CAMK2B: variants seen among roughly 807,000 people sequenced by gnomAD.
CAMK2B encodes calcium/calmodulin dependent protein kinase II beta.
CAMK2B carries 27 observed loss-of-function variants against 93.7 expected under a neutral mutation model. The ratio of observed to expected loss-of-function variants is 0.29; its 90% CI spans 0.21 to 0.40. The LOEUF is 0.40. CAMK2B is among the 10% of genes least tolerant of loss of function. The pLI is 1.00. For missense variants in CAMK2B, 568 were observed against 895.8 expected, an observed-to-expected ratio of 0.63 and a Z score of 4.67; for synonymous variants, 374 against 358.8, an observed-to-expected ratio of 1.04 and a Z score of -0.48.
Position 44,286,389 on chromosome 7 carries a change from C to T in CAMK2B, c.66-2164G>A, listed in dbSNP as rs547629220. Among the ~76,000 whole-genome samples, 1 of 152,222 alleles carries T rather than the reference C, an allele frequency of 6.6e-6. No individual in the cohort carries two copies. The highest frequency in any genetic ancestry group is 1.9e-4 in the East Asian group (1 of 5,176). ...AACCACACACTGCAGGGTTGACCCT[C>T]AGTAGGAAGTTCAACAGACTGCACA... On this transcript the variant is annotated intron_variant, in intron 1 of 23. Transcript: ENST00000395749. The surrounding 1 kb of genome is among the most constrained non-coding windows in gnomAD (Gnocchi z 4.0).
intron 1 of CAMK2B, among the ~76,000 whole-genome samples, chr7:44,293,701 T>C (rs1787493155): frequency 6.6e-6 from 1 of 152,166 alleles, no homozygotes; most frequent in African/African-American, 2.4e-5. Flanking sequence ...GGGTTCGTGC[T>C]CCTATGAGAA....
chr7:44,290,892 A>G (rs541364179), intron 1 of CAMK2B, among the ~76,000 whole-genome samples: 2 of 152,322 alleles, frequency 1.3e-5, no homozygotes, highest in African/African-American at 4.8e-5. Context: ...TACGTTTACA[A>G]TGTTTGCTAT....
At chr7:44,238,651 G>A (rs1437727612) in intron 13 of CAMK2B, among the ~76,000 whole-genome samples, 1 of 152,224 alleles carries the variant, frequency 6.6e-6, no homozygotes, top group Non-Finnish European at 1.5e-5. Flanking sequence ...GAGGCCTGGG[G>A]AAGGCAGTCT....
At chr7:44,302,320 A>G (rs925059110) in intron 1 of CAMK2B, among the ~76,000 whole-genome samples, 2 of 152,208 alleles carry the variant, frequency 1.3e-5, no homozygotes, top group African/African-American at 4.8e-5. Flanking sequence ...TCTACCAAAC[A>G]TGTAAAGAAG....
chr7:44,235,136 A>G (rs1005870986), intron 13 of CAMK2B, among the ~76,000 whole-genome samples: 1 of 152,222 alleles, frequency 6.6e-6, no homozygotes, highest in African/African-American at 2.4e-5. Flanking sequence ...GGTGGGCTGC[A>G]GCTGGCCGCC....
rs1403200477 is a variant in CAMK2B, at chr7:44,218,520, T to G, written c.*1005A>C. ...CGGGCTGCAGAGAAGCCGAACAGGCTGGGGGAGGGCCGAGGGGCGGAAACA... is the reference window on the plus strand; with the variant it reads ...CGGGCTGCAGAGAAGCCGAACAGGCGGGGGGAGGGCCGAGGGGCGGAAACA... On this transcript the variant is annotated 3_prime_UTR_variant, in exon 24 of 24. Coordinates refer to ENST00000395749, the MANE Select transcript of CAMK2B (RefSeq NM_001220.5). 1 of 152,238 alleles carries G rather than the reference T, an allele frequency of 6.6e-6. No homozygotes were observed. Among genetic ancestry groups the G allele is most frequent in the Non-Finnish European group, 1.5e-5 (1 of 68,080 alleles). The allele number at this position is 152,238 out of a possible 1,614,324, so 9.4% of individuals were successfully genotyped here.
chr7:44,290,401 C>T (rs923192925), intron 1 of CAMK2B, among the ~76,000 whole-genome samples: 5 of 152,212 alleles, frequency 3.3e-5, no homozygotes, highest in African/African-American at 1.2e-4. Flanking sequence ...GAGTCTGGGC[C>T]GGCCACAGAA....
At chr7:44,228,709 G>C in intron 19 of CAMK2B, 87 bp downstream of exon 19, 1 of 1,262,350 alleles carries the variant, frequency 7.9e-7, no homozygotes, top group Non-Finnish European at 1.0e-6. Context: ...GCTGGGCCGT[G>C]CATGCAGGTG....
intron 2 of CAMK2B, among the ~76,000 whole-genome samples, chr7:44,283,374 T>C (rs1784240499): frequency 6.6e-6 from 1 of 152,256 alleles, no homozygotes; most frequent in Non-Finnish European, 1.5e-5. Flanking sequence ...GGCAGGAGCC[T>C]GTCTGCTCCA....
At chr7:44,258,961 T>G in intron 3 of CAMK2B, 35 bp from the exon 4 acceptor site, 1 of 1,592,266 alleles carries the variant, frequency 6.3e-7, no homozygotes, top group Non-Finnish European at 8.6e-7. Context: ...GGGCTGGCAA[T>G]AGCCCAGGAC....
chr7:44,314,448 G>A (rs138910412), intron 1 of CAMK2B, among the ~76,000 whole-genome samples: 186 of 152,342 alleles, frequency 1.2e-3, no homozygotes, highest in African/African-American at 4.2e-3. Context: ...GCATGTGTCG[G>A]TGCTTATTAG....
chr7:44,226,016 C>CTTTTTT, intron 20 of CAMK2B: 1 of 898,480 alleles, frequency 1.1e-6, no homozygotes, highest in South Asian at 1.6e-5. Flanking sequence ...AGCCTGGCCC[C>CTTTTTT]AGCTGCCCCC....
chr7:44,221,830 A>G (rs1057479605), intron 20 of CAMK2B, among the ~76,000 whole-genome samples: 10 of 152,258 alleles, frequency 6.6e-5, no homozygotes, highest in Admixed American at 4.6e-4. Flanking sequence ...TTTCATTGCA[A>G]AAGATTTTAA....
chr7:44,305,910 C>T (rs1415595944), intron 1 of CAMK2B, among the ~76,000 whole-genome samples: 1 of 151,296 alleles, frequency 6.6e-6, no homozygotes, highest in Non-Finnish European at 1.5e-5. Context: ...CGGTGGGCAT[C>T]TTCATACCAC....
chr7:44,316,971 T>C (rs1794954689), intron 1 of CAMK2B, among the ~76,000 whole-genome samples: 1 of 152,156 alleles, frequency 6.6e-6, no homozygotes, highest in African/African-American at 2.4e-5. Context: ...TCTTAATTAT[T>C]CTCAGAGGTA....
chr7:44,228,102 G>A (rs551162825), intron 19 of CAMK2B, among the ~76,000 whole-genome samples: 22 of 151,978 alleles, frequency 1.4e-4, no homozygotes, highest in Non-Finnish European at 1.2e-4. Context: ...CCAGGGAGAG[G>A]CTGCTGGCCA....
intron 2 of CAMK2B, among the ~76,000 whole-genome samples, chr7:44,269,799 G>A (rs920652070): frequency 1.3e-5 from 2 of 152,102 alleles, no homozygotes; most frequent in Admixed American, 6.5e-5. Flanking sequence ...AGACCGAGAG[G>A]AGGCCCAACG....
intron 1 of CAMK2B, among the ~76,000 whole-genome samples, chr7:44,307,894 C>T (rs1157902108): frequency 6.6e-6 from 1 of 152,080 alleles, no homozygotes; most frequent in Non-Finnish European, 1.5e-5. Context: ...ACTGGGGGGC[C>T]TCATTCTGTC....
intron 15 of CAMK2B, among the ~76,000 whole-genome samples, chr7:44,233,612 A>C (rs899504810): frequency 6.6e-6 from 1 of 152,124 alleles, no homozygotes; most frequent in Admixed American, 6.5e-5. Flanking sequence ...GAGGGGACAC[A>C]GCACAGCGCC....
Sources: gnomAD v4.1 joint callset for allele counts (sites outside exome capture counted in the v4.1 genomes callset) on GRCh38, gnomAD v4.1.1 for gene constraint, Gnocchi (gnomAD v3.1) non-coding constraint, MANE v1.5 for transcripts, NCBI Gene and HGNC (gene_info 2026-07-23, HGNC 2026-07-21) for gene names.